The following CHDH variants were observed in gnomAD, a reference collection of about 807,000 sequenced individuals.
The protein encoded by CHDH is choline dehydrogenase.
In CHDH, 43 loss-of-function variants were observed where a neutral mutation model predicts 56.9. The observed-to-expected ratio is 0.76, with a 90% CI of 0.59 to 0.97. The LOEUF is 0.97. Ranked by LOEUF, CHDH falls within the 50% of genes least tolerant of loss-of-function variation. The pLI is 0.00. For missense variants in CHDH, 816 were observed against 821.1 expected (o/e 0.99, Z 0.08); for synonymous variants, 364 against 348.5 (o/e 1.04, Z -0.50).
intron 2 of CHDH, among the ~76,000 whole-genome samples, chr3:53,836,555 C>A (rs1698501886): frequency 6.6e-6 from 1 of 152,242 alleles, no homozygotes; most frequent in Admixed American, 6.5e-5. Flanking sequence ...CTTCTCTGTG[C>A]CACTTACTGG....
At chr3:53,836,682 T>C (rs1698506312) in intron 2 of CHDH, among the ~76,000 whole-genome samples, 1 of 152,242 alleles carries the variant, frequency 6.6e-6, no homozygotes, top group African/African-American at 2.4e-5. Context: ...CGCTGCGTCA[T>C]GCTGGCCAAG....
At position 53,823,086 on chromosome 3, in the gene CHDH, G is replaced by A. The variant is rs148072175; in HGVS notation, c.703+220C>T. On this transcript the variant is annotated intron_variant, in intron 3 of 8. Transcript: ENST00000315251. ...ATCCACACCAACAGGGGCCAGAGGT[G>A]CAGAGAACGCCCAGGGTCACCATCC... Among the ~76,000 whole-genome samples the A allele has an allele frequency of 3.5e-3, 540 of 152,268 alleles. 7 individuals are homozygous for A. The highest frequency in any genetic ancestry group is 0.012 in the African/African-American group (516 of 41,576).
At chr3:53,822,179 C>T (rs181496550) in intron 4 of CHDH, among the ~76,000 whole-genome samples, 2 of 152,260 alleles carry the variant, frequency 1.3e-5, no homozygotes, top group Admixed American at 1.3e-4. Flanking sequence ...CTAGTGTAAA[C>T]CTATAGCTTT....
chr3:53,844,935 T>C (rs1409729685), intron 1 of CHDH, among the ~76,000 whole-genome samples: 1 of 152,268 alleles, frequency 6.6e-6, no homozygotes, highest in East Asian at 1.9e-4. Flanking sequence ...GGCGGGTACT[T>C]GTGTCCTTGA....
chr3:53,845,914 G>A (rs1576816228), intron 1 of CHDH, among the ~76,000 whole-genome samples, 169 bp downstream of exon 1: 1 of 152,252 alleles, frequency 6.6e-6, no homozygotes, highest in East Asian at 1.9e-4. Flanking sequence ...AGTGAGCTTC[G>A]GCAGTCTGCG....
intron 8 of CHDH, 80 bp downstream of exon 8, chr3:53,818,858 G>A (rs1385062674): frequency 1.1e-6 from 1 of 896,792 alleles, no homozygotes; most frequent in Non-Finnish European, 1.9e-6. Flanking sequence ...GTAGTCCAAG[G>A]GTATGATTCA....
rs2095611789 is a variant in CHDH at position 53,814,232 on chromosome 3, G to GCATTT, written c.*3540_*3544dup. 6.6e-6 allele frequency: 1 copy of GCATTT among 152,172 alleles called. No homozygotes were observed. The highest frequency in any genetic ancestry group is 1.5e-5 in the Non-Finnish European group (1 of 68,050). 9.4% of individuals were successfully genotyped at this position (152,172 alleles called of 1,614,324 possible). Reference sequence around the variant, plus strand: ...AGCATCGTAAGTGTCTTTGCCAATTGCATTTCCTAGAAAAGTTGTACTGTT... The same window carrying GCATTT: ...AGCATCGTAAGTGTCTTTGCCAATTGCATTTCATTTCCTAGAAAAGTTGTACTGTT... On this transcript the variant is annotated 3_prime_UTR_variant, in exon 9 of 9. Coordinates refer to ENST00000315251, the MANE Select transcript of CHDH (RefSeq NM_018397.5).
Position 53,814,299 on chromosome 3 carries a change from A to G in CHDH, c.*3478T>C, listed in dbSNP as rs1201089572. ...TGGTTTAGAAAAACCAGTTAGCCATAGAACTGACATCACGCAGAGAGCCCC... is the reference window on the plus strand; with the variant it reads ...TGGTTTAGAAAAACCAGTTAGCCATGGAACTGACATCACGCAGAGAGCCCC... On this transcript the variant is annotated 3_prime_UTR_variant, in exon 9 of 9. Coordinates refer to ENST00000315251, the MANE Select transcript of CHDH (RefSeq NM_018397.5). The G allele has an allele frequency of 2.0e-5, 3 of 152,260 alleles. No homozygotes were observed. Among genetic ancestry groups the G allele is most frequent in the Non-Finnish European group, 4.4e-5 (3 of 68,046 alleles). The allele number at this position is 152,260 out of a possible 1,614,324, so 9.4% of individuals were successfully genotyped here.
chr3:53,826,341 A>G (rs2095639055), intron 2 of CHDH, among the ~76,000 whole-genome samples: 1 of 151,996 alleles, frequency 6.6e-6, no homozygotes, highest in Non-Finnish European at 1.5e-5. Context: ...CTACAGACCA[A>G]TATCTTTCAT....
At chr3:53,845,406 C>T (rs1471239785) in intron 1 of CHDH, among the ~76,000 whole-genome samples, 4 of 152,194 alleles carry the variant, frequency 2.6e-5, no homozygotes, top group Non-Finnish European at 4.4e-5. Flanking sequence ...TCTAGGCCTC[C>T]GTCTTCTCAT....
Position 53,824,050 on chromosome 3 carries a change from G to A in CHDH, c.-42C>T, listed in dbSNP as rs2095634289. 7.1e-7 allele frequency: 1 copy of A among 1,406,410 alleles called. No homozygotes were observed. The highest frequency in any genetic ancestry group is 9.2e-7 in the Non-Finnish European group (1 of 1,083,796). 87.1% of individuals were successfully genotyped at this position (1,406,410 alleles called of 1,614,324 possible). On this transcript the variant is annotated 5_prime_UTR_variant, in exon 3 of 9. Transcript: ENST00000315251. ...AGTCCTCTGATCCACGGAGGGGAAT[G>A]AGATGACTCACTTCTCCCTAAAACA...
intron 1 of CHDH, 34 bp downstream of exon 1, chr3:53,846,049 G>A (rs1019712955): frequency 2.6e-5 from 4 of 152,232 alleles, no homozygotes; most frequent in African/African-American, 9.7e-5. Flanking sequence ...CGGCGCTGCT[G>A]CGGGGTGGTC....
chr3:53,823,792 C>G lies in CHDH; in HGVS notation c.217G>C (p.Gly73Arg). ...PAERVLLLEA[G>R]PKDVLAGSKR... is the part of the protein sequence containing the mutation. The stretch of plus-strand genomic sequence containing the variant: ...CTCCCCGCGAGCACGTCCTTGGGCC[C>G]GGCCTCCAGCAGCAGCACGCGCTCG... Residue 73 changes from glycine to arginine, a missense_variant, in exon 3 of 9, where the codon GGG becomes CGG. Gly to Arg is a moderately radical substitution (Grantham distance 125). Coordinates refer to ENST00000315251, the MANE Select transcript of CHDH (RefSeq NM_018397.5). 2.5e-6 allele frequency: 4 copies of G among 1,576,556 alleles called. No individual in the cohort carries two copies. Among genetic ancestry groups the G allele is most frequent in the African/African-American group, 1.3e-5 (1 of 74,184 alleles).
chr3:53,845,576 T>C lies in CHDH; in HGVS notation c.-131+507A>G, dbSNP rs544096136. On this transcript the variant is annotated intron_variant, in intron 1 of 8. Coordinates refer to ENST00000315251, the MANE Select transcript of CHDH (RefSeq NM_018397.5). ...TTTGTGAACTTTCCCCCAAACCCAC[T>C]GTGTCTCAAAGGATGGTCCCTGGGC... 1.2e-4 allele frequency among the ~76,000 whole-genome samples: 18 copies of C among 152,148 alleles called. No homozygotes were observed. In the South Asian group the frequency reaches 3.1e-3, roughly 26 times the overall value.
rs991795021 is a variant in CHDH, at chr3:53,812,729, T to C, written c.*5048A>G. 1 of 152,262 alleles carries C rather than the reference T, an allele frequency of 6.6e-6. No individual in the cohort carries two copies. Among genetic ancestry groups the C allele is most frequent in the Admixed American group, 6.5e-5 (1 of 15,284 alleles). The allele number at this position is 152,262 out of a possible 1,614,324, so 9.4% of individuals were successfully genotyped here. ...CAGAAATGCATAGGTGGATGAGATATAGCTGCTCTTGTCCTCTGGGGACTG... is the reference window on the plus strand; with the variant it reads ...CAGAAATGCATAGGTGGATGAGATACAGCTGCTCTTGTCCTCTGGGGACTG... On this transcript the variant is annotated 3_prime_UTR_variant, in exon 9 of 9. Transcript: ENST00000315251.
rs116460743 is a variant in CHDH, at chr3:53,834,791, C to G, written c.-60+6138G>C. 7.8e-3 allele frequency among the ~76,000 whole-genome samples: 1,185 copies of G among 152,318 alleles called. 16 individuals are homozygous for G. Among genetic ancestry groups the G allele is most frequent in the African/African-American group, 0.026 (1,091 of 41,558 alleles). On this transcript the variant is annotated intron_variant, in intron 2 of 8. Transcript: ENST00000315251. ...CTTGGTGTGCACACATGTTTTCTTT[C>G]TAGCTCTTGGCCAGTGCAGTGTACT...
chr3:53,843,495 C>T (rs973675876), intron 1 of CHDH, among the ~76,000 whole-genome samples: 15 of 152,086 alleles, frequency 9.9e-5, no homozygotes, highest in Non-Finnish European at 1.6e-4. Flanking sequence ...TGGGTCAGGG[C>T]CATAGGTACT....
chr3:53,824,086 C>T lies in CHDH; in HGVS notation c.-59-19G>A, dbSNP rs1157929109. ...CTTCTCCCTAAAACAGGAAGAGGGGCTTTAAAAATCTTAACTCCGCATATC... is the reference window on the plus strand; with the variant it reads ...CTTCTCCCTAAAACAGGAAGAGGGGTTTTAAAAATCTTAACTCCGCATATC... On this transcript the variant is annotated intron_variant, in intron 2 of 8. Transcript: ENST00000315251. The T allele has an allele frequency of 7.6e-7, 1 of 1,315,302 alleles. No homozygotes were observed. Among genetic ancestry groups the T allele is most frequent in the Non-Finnish European group, 9.9e-7 (1 of 1,007,044 alleles). 81.5% of individuals were successfully genotyped at this position (1,315,302 alleles called of 1,614,324 possible). A position where few individuals can be genotyped will look rare whatever the true frequency, so the allele number is the denominator to read the frequency against.
Position 53,823,659 on chromosome 3 carries a change from C to T in CHDH, c.350G>A (p.Gly117Asp), listed in dbSNP as rs1478430285. Residue 117 changes from glycine to aspartate, a missense_variant, in exon 3 of 9, where the codon GGC (glycine) becomes GAC (aspartate). Coordinates refer to ENST00000315251, the MANE Select transcript of CHDH (RefSeq NM_018397.5). ...GCCGCGTGGCCAGTACAGCACGCGG[C>T]CGTCCAGGCCCCGCTGCACCTCTGT... ...YHTEVQRGLD[G>D]RVLYWPRGRV... is the part of the protein sequence containing the mutation. 1.9e-6 allele frequency: 3 copies of T among 1,545,746 alleles called. No homozygotes were observed. Among genetic ancestry groups the T allele is most frequent in the East Asian group, 2.4e-5 (1 of 40,876 alleles).
Sources: allele counts gnomAD v4.1 joint callset (sites outside exome capture counted in the v4.1 genomes callset), GRCh38; gene constraint gnomAD v4.1.1; transcripts MANE v1.5; gene names NCBI Gene and HGNC (gene_info 2026-07-23, HGNC 2026-07-21).